FAF1: variants seen among roughly 807,000 people sequenced by gnomAD.
FAF1 encodes Fas associated factor 1, also known as FAS-associated factor 1.
A neutral mutation model predicts 92.5 loss-of-function variants in FAF1; 25 were observed. The ratio of observed to expected loss-of-function variants is 0.27; its 90% CI spans 0.20 to 0.38. FAF1 has a LOEUF of 0.38. Ranked by LOEUF, FAF1 falls within the 10% of genes least tolerant of loss-of-function variation. The probability of loss-of-function intolerance (pLI) is 1.00; values close to 1 mark genes in which losing one functional copy is unlikely to be tolerated. For synonymous variants in FAF1, 234 were observed against 273.2 expected, an observed-to-expected ratio of 0.86 and a Z score of 1.42; for missense variants, 636 against 793.3, an observed-to-expected ratio of 0.80 and a Z score of 2.38.
chr1:50,536,939 T>A, intron 14 of FAF1, among the ~76,000 whole-genome samples: 1 of 152,240 alleles, frequency 6.6e-6, no homozygotes, highest in Admixed American at 6.5e-5. Context: ...TTAATAGATA[T>A]GACAGATGAC....
chr1:50,688,568 T>C (rs1217741579), intron 7 of FAF1, among the ~76,000 whole-genome samples: 1 of 152,194 alleles, frequency 6.6e-6, no homozygotes, highest in African/African-American at 2.4e-5. Context: ...ATCATAGCAC[T>C]TTGGGAGGCC....
At chr1:50,920,623 A>G (rs1456054471) in intron 1 of FAF1, among the ~76,000 whole-genome samples, 1 of 152,258 alleles carries the variant, frequency 6.6e-6, no homozygotes, top group Non-Finnish European at 1.5e-5. Context: ...TTGGTTTAAC[A>G]TTCAGAAATC....
At chr1:50,557,016 C>A (rs1649619618) in intron 13 of FAF1, among the ~76,000 whole-genome samples, 1 of 152,144 alleles carries the variant, frequency 6.6e-6, no homozygotes, top group African/African-American at 2.4e-5. Flanking sequence ...GTTGCTGAGA[C>A]AGTAAATTAT....
At chr1:50,876,017 T>C (rs1482871322) in intron 1 of FAF1, among the ~76,000 whole-genome samples, 1 of 152,240 alleles carries the variant, frequency 6.6e-6, no homozygotes, top group East Asian at 1.9e-4. Flanking sequence ...AGCAGCTCAC[T>C]GTCTAAGAGG....
At chr1:50,869,851 C>A (rs1416136150) in intron 1 of FAF1, among the ~76,000 whole-genome samples, 2 of 152,116 alleles carry the variant, frequency 1.3e-5, no homozygotes, top group African/African-American at 4.8e-5. Context: ...ACCTTAAAGT[C>A]TCTTTGTTAC....
chr1:50,959,892 ACCGCCG>A lies in FAF1; in HGVS notation c.-87_-82del, dbSNP rs532415159. 3.8e-5 allele frequency: 35 copies of A among 911,188 alleles called. No individual in the cohort carries two copies. Among genetic ancestry groups the A allele is most frequent in the African/African-American group, 1.1e-4 (6 of 57,054 alleles). 56.4% of individuals were successfully genotyped at this position (911,188 alleles called of 1,614,324 possible). On this transcript the variant is annotated 5_prime_UTR_variant, in exon 1 of 19. Coordinates refer to ENST00000396153, the MANE Select transcript of FAF1 (RefSeq NM_007051.3). Reference sequence around the variant, plus strand: ...GGCACCTCCTGCGACCGTCGCCGCCACCGCCGCCGCCGCCGCCGGGCGCCGAGGGGC... The same window carrying A: ...GGCACCTCCTGCGACCGTCGCCGCCACCGCCGCCGCCGGGCGCCGAGGGGC...
intron 15 of FAF1, 71 bp downstream of exon 15, chr1:50,535,298 A>T: frequency 9.9e-7 from 1 of 1,008,048 alleles, no homozygotes; most frequent in Non-Finnish European, 1.6e-6. Flanking sequence ...ATAGGCATGT[A>T]TCATCATTTG....
chr1:50,796,185 A>G (rs866911528), intron 3 of FAF1, among the ~76,000 whole-genome samples: 3 of 152,156 alleles, frequency 2.0e-5, no homozygotes, highest in South Asian at 4.2e-4. Flanking sequence ...CAGTAACAGA[A>G]ACAAAAACTT....
intron 9 of FAF1, among the ~76,000 whole-genome samples, chr1:50,592,989 T>G (rs993802301): frequency 6.7e-6 from 1 of 148,568 alleles, no homozygotes; most frequent in African/African-American, 2.5e-5. Flanking sequence ...CACAAAGTCA[T>G]GTAGGAGTAG....
At chr1:50,817,541 GAA>G (rs1000249579) in intron 2 of FAF1, among the ~76,000 whole-genome samples, 2 of 152,176 alleles carry the variant, frequency 1.3e-5, no homozygotes, top group African/African-American at 4.8e-5. Context: ...TTTAAAAGAT[GAA>G]AAGAGTTAGA....
intron 1 of FAF1, among the ~76,000 whole-genome samples, chr1:50,930,130 A>AGG (rs1420991238): frequency 4.6e-5 from 7 of 152,274 alleles, no homozygotes; most frequent in Non-Finnish European, 8.8e-5. Context: ...ATTTCAAGAG[A>AGG]GGGATATCTT....
At chr1:50,860,382 T>C (rs1261601613) in intron 1 of FAF1, among the ~76,000 whole-genome samples, 2 of 151,742 alleles carry the variant, frequency 1.3e-5, no homozygotes, top group Admixed American at 1.3e-4. Flanking sequence ...ATCCAGAATC[T>C]ATAAGCAACT....
intron 1 of FAF1, among the ~76,000 whole-genome samples, chr1:50,924,888 C>A (rs1166536544): frequency 6.6e-6 from 1 of 152,146 alleles, no homozygotes; most frequent in African/African-American, 2.4e-5. Flanking sequence ...AAGGCTAAGG[C>A]AGGTGAATTA....
At chr1:50,488,543 T>G (rs1161990768) in intron 17 of FAF1, among the ~76,000 whole-genome samples, 1 of 152,194 alleles carries the variant, frequency 6.6e-6, no homozygotes, top group Non-Finnish European at 1.5e-5. Flanking sequence ...AATCCTAAAC[T>G]ATATTTCTTG....
At chr1:50,469,110 T>C (rs560900722) in intron 18 of FAF1, among the ~76,000 whole-genome samples, 2 of 152,306 alleles carry the variant, frequency 1.3e-5, no homozygotes, top group African/African-American at 4.8e-5. Context: ...TTTTTGAATG[T>C]TGTAAATATT....
At chr1:50,882,246 G>A (rs940290758) in intron 1 of FAF1, among the ~76,000 whole-genome samples, 19 of 152,180 alleles carry the variant, frequency 1.2e-4, no homozygotes, top group African/African-American at 4.1e-4. Flanking sequence ...AAACAAGAAT[G>A]GTAAATGTAC....
At chr1:50,906,123 T>A (rs1393193631) in intron 1 of FAF1, among the ~76,000 whole-genome samples, 1 of 152,210 alleles carries the variant, frequency 6.6e-6, no homozygotes, top group Non-Finnish European at 1.5e-5. Context: ...CAGCACCATT[T>A]ATTAAATAGG....
At chr1:50,883,686 AT>A (rs1281100336) in intron 1 of FAF1, among the ~76,000 whole-genome samples, 3 of 152,238 alleles carry the variant, frequency 2.0e-5, no homozygotes, top group Non-Finnish European at 2.9e-5. Context: ...CAACCATCAA[AT>A]GTAATATACA....
chr1:50,678,776 CAAAAA>C (rs58946586), intron 7 of FAF1, among the ~76,000 whole-genome samples: 2 of 13,928 alleles, frequency 1.4e-4, no homozygotes, highest in African/African-American at 1.9e-4. Flanking sequence ...GACTCCATCT[CAAAAA>C]AAAAAAAAAA....
Sources: gnomAD v4.1 joint callset for allele counts (sites outside exome capture counted in the v4.1 genomes callset) on GRCh38, gnomAD v4.1.1 for gene constraint, MANE v1.5 for transcripts, NCBI Gene and HGNC (gene_info 2026-07-23, HGNC 2026-07-21) for gene names.